MYO7A: variants seen among roughly 807,000 people sequenced by gnomAD.
The protein encoded by MYO7A is unconventional myosin-VIIa.
In MYO7A, 210 loss-of-function variants were observed where a neutral mutation model predicts 263.8. The observed-to-expected ratio is 0.80, with a 90% CI of 0.71 to 0.89. The LOEUF (loss-of-function observed/expected upper bound fraction) is 0.89, where lower values mean the gene tolerates loss of function less well. Among genes scored for constraint, MYO7A ranks in the 40% least tolerant of loss-of-function variants. MYO7A has a pLI of 0.00. For synonymous variants in MYO7A, 1,239 were observed against 1,197.3 expected (o/e 1.03, Z -0.72); for missense variants, 2,820 against 2,968.3 (o/e 0.95, Z 1.16).
chr11:77,192,315 C>T lies in MYO7A; in HGVS notation c.4152+37C>T. ...GGAATCTTCCGCCAGGCTGGCTTGG[C>T]TCACAGCCTCCTGCTTTCCACGTTT... On this transcript the variant is annotated intron_variant, in intron 31 of 48. Coordinates refer to ENST00000409709, the MANE Select transcript of MYO7A (RefSeq NM_000260.4). The T allele has an allele frequency of 2.5e-6, 4 of 1,592,026 alleles. No homozygotes were observed. In the Middle Eastern group the frequency reaches 5.0e-4, roughly 199 times the overall value.
chr11:77,184,789 C>T, intron 27 of MYO7A, 74 bp downstream of exon 27: 1 of 1,566,986 alleles, frequency 6.4e-7, no homozygotes, highest in Non-Finnish European at 8.7e-7. Flanking sequence ...GTCAACCTAG[C>T]AAGAGATTAA....
At chr11:77,191,699 C>T (rs952098767) in intron 30 of MYO7A, among the ~76,000 whole-genome samples, 15 of 152,008 alleles carry the variant, frequency 9.9e-5, no homozygotes, top group Non-Finnish European at 1.9e-4. Flanking sequence ...GCAGAGGGGC[C>T]CCCGCCCACA....
chr11:77,167,725 G>A (rs1953686190), intron 15 of MYO7A, among the ~76,000 whole-genome samples: 1 of 152,128 alleles, frequency 6.6e-6, no homozygotes, highest in Non-Finnish European at 1.5e-5. Context: ...CTGGTGCTGA[G>A]TCCTTCTTCC....
rs397516317 is a variant in MYO7A at position 77,204,141 on chromosome 11, C to T, written c.5392C>T (p.Gln1798Ter). The T allele has an allele frequency of 2.1e-5, 34 of 1,598,638 alleles. No homozygotes were observed. The highest frequency in any genetic ancestry group is 2.8e-5 in the Non-Finnish European group (33 of 1,172,996). The change falls in exon 39 of 49, where the codon CAG (glutamine) becomes TAG (stop). Residue 1798 changes from glutamine (Q) to a stop codon, truncating the protein, a stop_gained. Transcript: ENST00000409709. LOFTEE classifies it high-confidence loss of function. ...ACGCTCCGTCAACGAGCTCACCGACCAGATCTTTGAGGGTCCCCTGAAAGC... is the reference window on the plus strand; with the variant it reads ...ACGCTCCGTCAACGAGCTCACCGACTAGATCTTTGAGGGTCCCCTGAAAGC... ...RTRSVNELTDQIFEGPLKAEP... is the reference protein window; with the variant it reads ...RTRSVNELTD
At chr11:77,212,771 T>A in intron 46 of MYO7A, 181 bp from the exon 47 acceptor site, 1 of 621,414 alleles carries the variant, frequency 1.6e-6, no homozygotes. Flanking sequence ...CAGGAAGGGA[T>A]GTGGGGCAGC....
intron 3 of MYO7A, 102 bp downstream of exon 3, chr11:77,142,924 G>T (rs1555051640): frequency 2.1e-6 from 2 of 964,154 alleles, no homozygotes; most frequent in African/African-American, 3.3e-5. Flanking sequence ...TGGAGGCCAT[G>T]CCCATGCCCC....
At chr11:77,136,620 G>A (rs1466120385) in intron 2 of MYO7A, among the ~76,000 whole-genome samples, 1 of 152,162 alleles carries the variant, frequency 6.6e-6, no homozygotes, top group Non-Finnish European at 1.5e-5. Context: ...AACCATGGCT[G>A]GCACTCATAT....
chr11:77,165,205 A>G (rs1953418176), intron 14 of MYO7A, among the ~76,000 whole-genome samples: 1 of 152,204 alleles, frequency 6.6e-6, no homozygotes, highest in African/African-American at 2.4e-5. Flanking sequence ...CCAGGCGGGC[A>G]GCCTAGCACT....
chr11:77,157,926 A>G (rs1275240659), intron 8 of MYO7A, among the ~76,000 whole-genome samples: 1 of 152,144 alleles, frequency 6.6e-6, no homozygotes, highest in Non-Finnish European at 1.5e-5. Flanking sequence ...CGAGTCCCTG[A>G]TAGTGGGTAT....
intron 13 of MYO7A, 55 bp downstream of exon 13, chr11:77,162,385 C>A: frequency 6.7e-7 from 1 of 1,502,298 alleles, no homozygotes; most frequent in Non-Finnish European, 9.1e-7. Flanking sequence ...AGCTTCCTTC[C>A]CTGCTTTGAG....
At chr11:77,147,283 C>G (rs1258677985) in intron 3 of MYO7A, among the ~76,000 whole-genome samples, 5 of 152,076 alleles carry the variant, frequency 3.3e-5, no homozygotes, top group African/African-American at 9.7e-5. Context: ...GCTCATATGC[C>G]ACCTCCTCGG....
At chr11:77,195,532 C>A (rs184095678) in intron 32 of MYO7A, among the ~76,000 whole-genome samples, 1 of 152,234 alleles carries the variant, frequency 6.6e-6, no homozygotes, top group Non-Finnish European at 1.5e-5. Context: ...TATGGTACGT[C>A]CTGGGTGGGG....
chr11:77,150,530 A>G (rs1334633400), intron 4 of MYO7A, among the ~76,000 whole-genome samples: 1 of 152,204 alleles, frequency 6.6e-6, no homozygotes, highest in African/African-American at 2.4e-5. Context: ...TTCTCCAGAA[A>G]GGCCCCAAAT....
intron 3 of MYO7A, among the ~76,000 whole-genome samples, chr11:77,146,356 G>A (rs950000169): frequency 6.6e-6 from 1 of 152,210 alleles, no homozygotes; most frequent in East Asian, 1.9e-4. Context: ...ACAGGGTCAG[G>A]AGGGTGCCTC....
intron 3 of MYO7A, 40 bp downstream of exon 3, chr11:77,142,862 GT>G: frequency 6.6e-7 from 1 of 1,508,454 alleles, no homozygotes; most frequent in Non-Finnish European, 9.1e-7. Flanking sequence ...ATGCCTTGGG[GT>G]CAGACCTGGG....
intron 4 of MYO7A, among the ~76,000 whole-genome samples, 193 bp from the exon 5 acceptor site, chr11:77,155,714 A>T (rs973091329): frequency 1.1e-4 from 16 of 152,224 alleles, no homozygotes; most frequent in Non-Finnish European, 2.2e-4. Context: ...ACTCCGAGCC[A>T]GACCCAGTGC....
At chr11:77,193,080 T>TGATGG (rs568486921) in intron 31 of MYO7A, among the ~76,000 whole-genome samples, 14,363 of 44,392 alleles carry the variant, frequency 0.32, 4,061 homozygotes, top group Admixed American at 0.37. Context: ...GTGGAGGTAG[T>TGATGG]TGTTTGTGAT....
rs768472164 is a variant in MYO7A at position 77,201,453 on chromosome 11, G to A, written c.4858G>A (p.Glu1620Lys). The change falls in exon 36 of 49, where the codon GAG (glutamate) becomes AAG (lysine). Residue 1620 changes from glutamate (E) to lysine (K), a missense_variant. By Grantham distance (56) the Glu-to-Lys change is moderately conservative (BLOSUM62 1). Coordinates refer to ENST00000409709, the MANE Select transcript of MYO7A (RefSeq NM_000260.4). ...ALQDNPNPAG[E>K]ESGFLSFAKG... ...CACTCACCTCTGCTCTACAGCAGGC[G>A]AGGAGTCAGGCTTCCTCAGCTTTGC... 8.1e-6 allele frequency: 13 copies of A among 1,613,486 alleles called. No individual in the cohort carries two copies. The highest frequency in any genetic ancestry group is 2.7e-5 in the African/African-American group (2 of 74,938).
Position 77,172,770 on chromosome 11 carries a change from C to G in MYO7A, c.1820C>G (p.Ser607Trp). The change falls in exon 16 of 49, where the codon TCG becomes TGG. Residue 607 changes from serine to tryptophan, a missense_variant. Ser to Trp is a radical substitution (Grantham distance 177, BLOSUM62 -3). Transcript: ENST00000409709. Reference protein sequence around the residue: ...VAMGAETRKRSPTLSSQFKRS... With the variant: ...VAMGAETRKRWPTLSSQFKRS... The stretch of plus-strand genomic sequence containing the variant: ...CAGGGCGCCGAGACCAGGAAGCGCT[C>G]GCCCACACTTAGCAGCCAGTTCAAG... 1 of 1,559,042 alleles carries G rather than the reference C, an allele frequency of 6.4e-7. No individual in the cohort carries two copies. Among genetic ancestry groups the G allele is most frequent in the South Asian group, 1.2e-5 (1 of 84,332 alleles).
Sources: allele counts gnomAD v4.1 joint callset (sites outside exome capture counted in the v4.1 genomes callset), GRCh38; gene constraint gnomAD v4.1.1; transcripts MANE v1.5; gene names NCBI Gene and HGNC (gene_info 2026-07-23, HGNC 2026-07-21).